Variants in ADCY9 observed in about 807,000 individuals in gnomAD.
ADCY9 encodes the protein adenylate cyclase type 9.
ADCY9 carries 50 observed loss-of-function variants against 101.5 expected under a neutral mutation model. The observed-to-expected ratio is 0.49, with a 90% CI of 0.39 to 0.62. The LOEUF is 0.62. Among genes scored for constraint, ADCY9 ranks in the 20% least tolerant of loss-of-function variants. The pLI, the probability that ADCY9 is intolerant of heterozygous loss-of-function variation, is 0.00. For synonymous variants in ADCY9, 905 were observed against 769.3 expected, an observed-to-expected ratio of 1.18 and a Z score of -2.92; for missense variants, 1,662 against 1,800.4, an observed-to-expected ratio of 0.92 and a Z score of 1.39.
intron 2 of ADCY9, among the ~76,000 whole-genome samples, chr16:4,056,921 G>A (rs1409458293): frequency 2.0e-5 from 3 of 151,906 alleles, no homozygotes; most frequent in Non-Finnish European, 4.4e-5. Flanking sequence ...AGGATGATGT[G>A]AGTGCAAATT....
intron 2 of ADCY9, among the ~76,000 whole-genome samples, chr16:4,038,714 G>A (rs929348734): frequency 2.0e-5 from 3 of 151,832 alleles, no homozygotes; most frequent in African/African-American, 7.3e-5. Context: ...CTCTTCTCTC[G>A]GGGTCATCAC....
chr16:4,081,679 G>A (rs377540950), intron 2 of ADCY9, among the ~76,000 whole-genome samples: 1 of 151,716 alleles, frequency 6.6e-6, no homozygotes, highest in African/African-American at 2.4e-5. Flanking sequence ...CAGCACATGC[G>A]GGGAGCCCCC....
At chr16:4,060,242 G>A (rs918486239) in intron 2 of ADCY9, among the ~76,000 whole-genome samples, 1 of 152,206 alleles carries the variant, frequency 6.6e-6, no homozygotes, top group Non-Finnish European at 1.5e-5. Flanking sequence ...CTAGCCGGAA[G>A]ATACAGAGAA....
intron 2 of ADCY9, among the ~76,000 whole-genome samples, chr16:4,010,019 T>C (rs2056393113): frequency 6.6e-6 from 1 of 152,178 alleles, no homozygotes; most frequent in Non-Finnish European, 1.5e-5. Context: ...AGTCCCCACA[T>C]ACTGAGAGAG....
intron 2 of ADCY9, among the ~76,000 whole-genome samples, chr16:4,087,503 T>C (rs1288134266): frequency 1.4e-5 from 2 of 143,696 alleles, no homozygotes; most frequent in African/African-American, 5.2e-5. Context: ...ATTGCTGCAC[T>C]CCAGCCTGGG....
rs144558461 is a variant in ADCY9 at position 4,030,963 on chromosome 16, A to G, written c.1694-23405T>C. On this transcript the variant is annotated intron_variant, in intron 2 of 10. Transcript: ENST00000294016. ...GTATGCATATTACACTTCAATGCAAAATTTATTTTAAGAAACAGGAAACCA... is the reference window on the plus strand; with the variant it reads ...GTATGCATATTACACTTCAATGCAAGATTTATTTTAAGAAACAGGAAACCA... 4.2e-3 allele frequency among the ~76,000 whole-genome samples: 643 copies of G among 152,288 alleles called. 4 individuals are homozygous for G. The highest frequency in any genetic ancestry group is 0.014 in the African/African-American group (569 of 41,546).
At chr16:4,086,519 C>T (rs2056939804) in intron 2 of ADCY9, among the ~76,000 whole-genome samples, 1 of 152,066 alleles carries the variant, frequency 6.6e-6, no homozygotes, top group South Asian at 2.1e-4. Context: ...AAAGAGGGCC[C>T]ATCAGCCCAG....
intron 2 of ADCY9, among the ~76,000 whole-genome samples, chr16:4,091,441 C>A (rs1380718338): frequency 6.6e-6 from 1 of 152,200 alleles, no homozygotes; most frequent in African/African-American, 2.4e-5. Context: ...CGTGACCCAG[C>A]AACTCCATGC....
chr16:4,110,263 T>C (rs1319996521), intron 2 of ADCY9, among the ~76,000 whole-genome samples: 2 of 152,062 alleles, frequency 1.3e-5, no homozygotes, highest in South Asian at 2.1e-4. Flanking sequence ...AAAACACCTT[T>C]ATTGAAGAGG....
At chr16:4,043,327 C>G (rs146557764) in intron 2 of ADCY9, among the ~76,000 whole-genome samples, 12 of 152,132 alleles carry the variant, frequency 7.9e-5, no homozygotes, top group African/African-American at 2.9e-4. Flanking sequence ...TATAACAAGA[C>G]AGAGGAATAC....
chr16:4,054,094 T>C (rs2056720144), intron 2 of ADCY9: 1 of 152,174 alleles, frequency 6.6e-6, no homozygotes, highest in Non-Finnish European at 1.5e-5. Flanking sequence ...GCCCATTCTA[T>C]TATAGATGGC....
At chr16:4,017,491 A>G (rs895378718) in intron 2 of ADCY9, among the ~76,000 whole-genome samples, 1 of 150,172 alleles carries the variant, frequency 6.7e-6, no homozygotes, top group Non-Finnish European at 1.5e-5. Flanking sequence ...TGAAAATACG[A>G]AAATTAGCCA....
intron 2 of ADCY9, among the ~76,000 whole-genome samples, chr16:4,089,119 A>T (rs55784247): frequency 0.31 from 47,278 of 151,492 alleles, 8,280 homozygotes; most frequent in East Asian, 0.51. Context: ...TGAGACAGAG[A>T]TTGCTCTGTC....
chr16:4,107,238 A>G (rs994067491), intron 2 of ADCY9, among the ~76,000 whole-genome samples: 1 of 152,166 alleles, frequency 6.6e-6, no homozygotes, highest in Non-Finnish European at 1.5e-5. Flanking sequence ...TTCCACGTGC[A>G]TAACAGATCC....
chr16:4,037,004 T>G (rs2056594653), intron 2 of ADCY9, among the ~76,000 whole-genome samples: 3 of 152,138 alleles, frequency 2.0e-5, no homozygotes, highest in South Asian at 4.1e-4. Flanking sequence ...ATGTCTTTTG[T>G]GTCTGGCTTC....
intron 2 of ADCY9, among the ~76,000 whole-genome samples, chr16:4,041,980 C>G (rs1318454109): frequency 1.5e-5 from 2 of 132,356 alleles, no homozygotes; most frequent in Admixed American, 8.9e-5. Context: ...CTGAAGTGTA[C>G]TGGTGTGATT....
Position 4,115,446 on chromosome 16 carries a change from G to A in ADCY9, c.-4C>T. 1 of 1,537,682 alleles carries A rather than the reference G, an allele frequency of 6.5e-7. No individual in the cohort carries two copies. The highest frequency in any genetic ancestry group is 8.8e-7 in the Non-Finnish European group (1 of 1,141,054). ...GCTGGTGGGGTGGGGAAGCCATGTT[G>A]TCGAGTCCCGGGGCCTGCCCCGGCC... On this transcript the variant is annotated 5_prime_UTR_variant, in exon 2 of 11. Coordinates refer to ENST00000294016, the MANE Select transcript of ADCY9 (RefSeq NM_001116.4). This position sits in a 1 kb window ranked among gnomAD's most constrained non-coding sequence, Gnocchi z 6.2.
At position 4,108,830 on chromosome 16, in the gene ADCY9, C is replaced by T. The variant is rs531423715; in HGVS notation, c.1693+4920G>A. On this transcript the variant is annotated intron_variant, in intron 2 of 10. Coordinates refer to ENST00000294016, the MANE Select transcript of ADCY9 (RefSeq NM_001116.4). ...AAGCAATTCTCCTGCCTCAGCATCC[C>T]GAGTAGCTGGGATTACAGGTACCTG... Among the ~76,000 whole-genome samples, 27 of 151,780 alleles carry T rather than the reference C, an allele frequency of 1.8e-4. No homozygotes were observed. In the South Asian group the frequency reaches 2.7e-3, roughly 15 times the overall value.
chr16:4,066,427 C>T (rs1308837328), intron 2 of ADCY9, among the ~76,000 whole-genome samples: 1 of 152,164 alleles, frequency 6.6e-6, no homozygotes, highest in Non-Finnish European at 1.5e-5. Flanking sequence ...CACTCTGTTG[C>T]CCAGGCTGGA....
Sources: allele counts gnomAD v4.1 joint callset (sites outside exome capture counted in the v4.1 genomes callset), GRCh38; gene constraint gnomAD v4.1.1; non-coding constraint Gnocchi (gnomAD v3.1); transcripts MANE v1.5; gene names NCBI Gene and HGNC (gene_info 2026-07-23, HGNC 2026-07-21).